SPINK5: variants seen among roughly 807,000 people sequenced by gnomAD.
The protein encoded by SPINK5 is serine protease inhibitor Kazal-type 5.
In SPINK5, 125 loss-of-function variants were observed where a neutral mutation model predicts 151.8. That is an observed-to-expected ratio of 0.82 (90% CI 0.71 to 0.96). The LOEUF (loss-of-function observed/expected upper bound fraction) is 0.96. Among genes scored for constraint, SPINK5 ranks in the 40% least tolerant of loss-of-function variants. The probability of loss-of-function intolerance (pLI) is 0.00; values close to 1 mark genes in which losing one functional copy is unlikely to be tolerated. For synonymous variants in SPINK5, 374 were observed against 395.3 expected, an observed-to-expected ratio of 0.95 and a Z score of 0.64; for missense variants, 1,194 against 1,291.9, an observed-to-expected ratio of 0.92 and a Z score of 1.16.
chr5:148,089,496 T>G lies in SPINK5; in HGVS notation c.477T>G (p.Asp159Glu). The G allele has an allele frequency of 1.2e-6, 2 of 1,611,718 alleles. No homozygotes were observed. Among genetic ancestry groups the G allele is most frequent in the East Asian group, 4.5e-5 (2 of 44,772 alleles). Residue 159 changes from aspartate to glutamate, a missense_variant and splice_region_variant, in exon 7 of 33, where the codon GAT becomes GAG. Transcript: ENST00000256084. ...AAGTTCTTTTCCCTGTTCTTCAGGA[T>G]GTATGCAGTGCTTTTCGGCCCTTTG... ...GECKSSNPEQDVCSAFRPFVR... is the reference protein window; with the variant it reads ...GECKSSNPEQEVCSAFRPFVR...
In SPINK5 at chr5:148,120,093, G is replaced by A. The variant is rs1407208224; in HGVS notation, c.2398G>A (p.Gly800Ser). The part of the protein sequence containing the change: ...RESDPVRGPD[G>S]KTHGNKCTMC... ...AAGTGACCCTGTCCGGGGTCCAGATGGCAAGACACATGGCAATAAGTGTAC... is the reference window on the plus strand; with the variant it reads ...AAGTGACCCTGTCCGGGGTCCAGATAGCAAGACACATGGCAATAAGTGTAC... The change falls in exon 25 of 33, where the codon GGC becomes AGC. Residue 800 changes from glycine to serine, a missense_variant. Transcript: ENST00000256084. The A allele has an allele frequency of 1.2e-6, 2 of 1,614,052 alleles. No homozygotes were observed. The highest frequency in any genetic ancestry group is 1.3e-5 in the African/African-American group (1 of 75,032).
intron 31 of SPINK5, among the ~76,000 whole-genome samples, chr5:148,132,807 T>G (rs991804407): frequency 2.0e-5 from 3 of 152,134 alleles, no homozygotes; most frequent in East Asian, 1.9e-4. Context: ...ATATGAACAA[T>G]CCACACACAT....
At chr5:148,136,033 G>C (rs1754686771) in intron 32 of SPINK5, among the ~76,000 whole-genome samples, 1 of 151,992 alleles carries the variant, frequency 6.6e-6, no homozygotes, top group Admixed American at 6.6e-5. Context: ...AATCATCCTG[G>C]GGGAAACTGT....
intron 16 of SPINK5, among the ~76,000 whole-genome samples, chr5:148,105,856 T>A (rs1753769221): frequency 6.7e-6 from 1 of 150,012 alleles, no homozygotes; most frequent in South Asian, 2.1e-4. Context: ...ACTCCTGACC[T>A]CAAGTGATTC....
chr5:148,111,483 C>G (rs374042068), intron 18 of SPINK5, among the ~76,000 whole-genome samples: 1 of 152,152 alleles, frequency 6.6e-6, no homozygotes, highest in African/African-American at 2.4e-5. Flanking sequence ...ACCACAGATT[C>G]CTTTACCAAT....
At chr5:148,106,363 C>T (rs1371974464) in intron 16 of SPINK5, among the ~76,000 whole-genome samples, 1 of 151,458 alleles carries the variant, frequency 6.6e-6, no homozygotes, top group Non-Finnish European at 1.5e-5. Flanking sequence ...ACTTTGTTGC[C>T]CAGGCTGTAG....
chr5:148,096,749 TTTC>T (rs1753476558), intron 10 of SPINK5, among the ~76,000 whole-genome samples: 2 of 146,062 alleles, frequency 1.4e-5, no homozygotes, highest in African/African-American at 5.5e-5. Flanking sequence ...TTTCTTTTCT[TTTC>T]TTTTTTTTTT....
In SPINK5 at chr5:148,064,088, G is replaced by A. The variant is rs992803751; in HGVS notation, c.44G>A (p.Cys15Tyr). ...TCAGTGCTTCTGCCCTTGGCTCTTT[G>A]CCTCATACAAGGTGAGCAATTTGTG... is the stretch of plus-strand genomic sequence containing the variant. ...TVSVLLPLAL[C>Y]LIQDAASKNE... Residue 15 changes from cysteine (C) to tyrosine (Y), a missense_variant, in exon 1 of 33, where the codon TGC (cysteine) becomes TAC (tyrosine). Cys to Tyr is a radical substitution (Grantham distance 194). Coordinates refer to ENST00000256084, the MANE Select transcript of SPINK5 (RefSeq NM_006846.4). 1.2e-6 allele frequency: 2 copies of A among 1,614,072 alleles called. No individual in the cohort carries two copies. Among genetic ancestry groups the A allele is most frequent in the Non-Finnish European group, 1.7e-6 (2 of 1,180,000 alleles).
intron 32 of SPINK5, among the ~76,000 whole-genome samples, chr5:148,136,268 T>C (rs1754692101): frequency 6.6e-6 from 1 of 152,176 alleles, no homozygotes; most frequent in South Asian, 2.1e-4. Flanking sequence ...TATTCTTATC[T>C]ATATCTGTCA....
In SPINK5 at chr5:148,105,009, C is replaced by A; in HGVS notation, c.1479+9C>A. The A allele has an allele frequency of 6.2e-7, 1 of 1,613,404 alleles. No homozygotes were observed. The highest frequency in any genetic ancestry group is 1.1e-5 in the South Asian group (1 of 91,032). ...AAAGAGAAGCTGCAAAGGTAATATT[C>A]TCAGGAATGCTGATGCTGTGCCCTG... On this transcript the variant is annotated intron_variant, in intron 16 of 32. Transcript: ENST00000256084.
At chr5:148,085,586 G>A (rs1019857571) in intron 4 of SPINK5, among the ~76,000 whole-genome samples, 99 of 152,038 alleles carry the variant, frequency 6.5e-4, no homozygotes, top group African/African-American at 2.3e-3. Flanking sequence ...GTGCAAAGAG[G>A]TGAAGTGAGT....
chr5:148,090,217 A>G (rs1005481254), intron 7 of SPINK5, among the ~76,000 whole-genome samples: 6 of 151,826 alleles, frequency 4.0e-5, no homozygotes, highest in African/African-American at 1.5e-4. Flanking sequence ...CAAGGTTTAG[A>G]CTCTCTAATT....
At chr5:148,106,977 A>G in intron 16 of SPINK5, 60 bp from the exon 17 acceptor site, 1 of 1,598,746 alleles carries the variant, frequency 6.3e-7, no homozygotes, top group Non-Finnish European at 8.5e-7. Flanking sequence ...TCCTCATAAT[A>G]GGAAAAGATG....
chr5:148,104,812 C>T (rs750084615), intron 15 of SPINK5, 140 bp from the exon 16 acceptor site: 11 of 655,454 alleles, frequency 1.7e-5, no homozygotes, highest in African/African-American at 3.7e-5. Context: ...AGGAGAATTG[C>T]TTGAACCCGG....
Position 148,081,568 on chromosome 5 carries a change from T to C in SPINK5, c.283-4837T>C, listed in dbSNP as rs186131940. Among the ~76,000 whole-genome samples, 511 of 150,600 alleles carry C rather than the reference T, an allele frequency of 3.4e-3. 4 individuals are homozygous for C. The highest frequency in any genetic ancestry group is 0.012 in the African/African-American group (495 of 40,468). ...ATATGAAATGTCCAAAAAGGGCAAA[T>C]TTACAGAGTCAGAAAAATGTTTAAT... On this transcript the variant is annotated intron_variant, in intron 4 of 32. Transcript: ENST00000256084.
chr5:148,068,316 T>C (rs1752636771), intron 2 of SPINK5, among the ~76,000 whole-genome samples: 1 of 151,918 alleles, frequency 6.6e-6, no homozygotes, highest in Admixed American at 6.6e-5. Flanking sequence ...CCTTCACCAT[T>C]AATCATTTTG....
chr5:148,111,839 T>C lies in SPINK5; in HGVS notation c.1764T>C (p.Ile588=), dbSNP rs35877540. ...CCTGTACCAGAGAGAATGATCCTATTGAGGGTCTAGATGGGAAAATCCACG... is the reference window on the plus strand; with the variant it reads ...CCTGTACCAGAGAGAATGATCCTATCGAGGGTCTAGATGGGAAAATCCACG... The part of the protein sequence containing the change: ...RLPCTRENDP[I]EGLDGKIHGN... Residue 588 remains isoleucine, a synonymous_variant, in exon 19 of 33, where the codon ATT becomes ATC. Coordinates refer to ENST00000256084, the MANE Select transcript of SPINK5 (RefSeq NM_006846.4). 1 of 1,614,024 alleles carries C rather than the reference T, an allele frequency of 6.2e-7. No individual in the cohort carries two copies. The highest frequency in any genetic ancestry group is 1.7e-5 in the Admixed American group (1 of 60,000).
chr5:148,075,480 A>G (rs1016019239), intron 4 of SPINK5, among the ~76,000 whole-genome samples: 8 of 151,646 alleles, frequency 5.3e-5, no homozygotes, highest in South Asian at 2.1e-4. Context: ...AAAATTTGCA[A>G]TTATGTTCTT....
chr5:148,069,632 C>T (rs986493), intron 2 of SPINK5, among the ~76,000 whole-genome samples: 108,276 of 151,848 alleles, frequency 0.71, 39,226 homozygotes, highest in East Asian at 0.91. Flanking sequence ...TGGGTACTTT[C>T]TAAAAAATAT....
Sources: gnomAD v4.1 joint callset for allele counts (sites outside exome capture counted in the v4.1 genomes callset) on GRCh38, gnomAD v4.1.1 for gene constraint, MANE v1.5 for transcripts, NCBI Gene and HGNC (gene_info 2026-07-23, HGNC 2026-07-21) for gene names.